Variants in VAV3 observed in about 807,000 individuals in gnomAD.
VAV3 encodes the protein guanine nucleotide exchange factor VAV3.
Under a neutral mutation model 131.2 loss-of-function variants are expected in VAV3, and 94 were observed. The observed-to-expected ratio is 0.72, with a 90% CI of 0.61 to 0.85. VAV3 has a LOEUF of 0.85. Ranked by LOEUF, VAV3 falls within the 40% of genes least tolerant of loss-of-function variation. VAV3 has a pLI of 0.00. For synonymous variants in VAV3, 349 were observed against 342.0 expected (o/e 1.02, Z -0.22); for missense variants, 939 against 1,002.7 (o/e 0.94, Z 0.86).
chr1:107,795,921 T>A (rs1359253703), intron 2 of VAV3, among the ~76,000 whole-genome samples: 1 of 152,210 alleles, frequency 6.6e-6, no homozygotes, highest in Non-Finnish European at 1.5e-5. Flanking sequence ...AATTCCTGAT[T>A]CCCATACTGA....
chr1:107,896,707 CA>C (rs5776906), intron 1 of VAV3, among the ~76,000 whole-genome samples: 55,008 of 151,886 alleles, frequency 0.36, 10,862 homozygotes, highest in African/African-American at 0.54. Flanking sequence ...AAAAGACTGG[CA>C]ATTTTGTTAT....
At chr1:107,685,393 C>T (rs558280961) in intron 18 of VAV3, among the ~76,000 whole-genome samples, 1 of 152,154 alleles carries the variant, frequency 6.6e-6, no homozygotes, top group African/African-American at 2.4e-5. Flanking sequence ...AGTTAATTTA[C>T]CTTAAATGCT....
chr1:107,737,381 T>C (rs1428355742), intron 15 of VAV3, among the ~76,000 whole-genome samples: 1 of 152,196 alleles, frequency 6.6e-6, no homozygotes, highest in Non-Finnish European at 1.5e-5. Flanking sequence ...AAAGAGCTTC[T>C]GCACAGCAAA....
chr1:107,697,727 C>T (rs754832647), intron 17 of VAV3, among the ~76,000 whole-genome samples: 2 of 152,112 alleles, frequency 1.3e-5, no homozygotes, highest in Non-Finnish European at 2.9e-5. Flanking sequence ...TTAAGTCCAT[C>T]CGGTCTTGAG....
intron 19 of VAV3, among the ~76,000 whole-genome samples, chr1:107,654,353 A>T (rs1656386722): frequency 6.6e-6 from 1 of 152,048 alleles, no homozygotes; most frequent in African/African-American, 2.4e-5. Flanking sequence ...ATTTAGTCTC[A>T]AAATCTCTAC....
intron 1 of VAV3, among the ~76,000 whole-genome samples, chr1:107,949,308 TTTTG>T (rs140828995): frequency 0.22 from 32,648 of 151,796 alleles, 3,754 homozygotes; most frequent in African/African-American, 0.31. Flanking sequence ...TTTTGTTTAT[TTTTG>T]TTTGTTTGTT....
intron 1 of VAV3, among the ~76,000 whole-genome samples, chr1:107,960,059 T>C (rs1675009174): frequency 6.6e-6 from 1 of 152,242 alleles, no homozygotes; most frequent in Non-Finnish European, 1.5e-5. Context: ...TGCCCTGCTA[T>C]TGCTTTGGTA....
At chr1:107,726,380 G>T (rs1191668205) in intron 15 of VAV3, among the ~76,000 whole-genome samples, 1 of 152,212 alleles carries the variant, frequency 6.6e-6, no homozygotes, top group Non-Finnish European at 1.5e-5. Context: ...CGGCAGAGGC[G>T]CTCTGCAGAT....
chr1:107,609,847 G>C, intron 22 of VAV3, 84 bp downstream of exon 22: 1 of 1,347,818 alleles, frequency 7.4e-7, no homozygotes, highest in East Asian at 2.3e-5. Context: ...AATGGAATAT[G>C]GTTTACTACC....
intron 1 of VAV3, among the ~76,000 whole-genome samples, chr1:107,903,923 G>T (rs897609636): frequency 6.6e-6 from 1 of 151,896 alleles, no homozygotes; most frequent in Non-Finnish European, 1.5e-5. Flanking sequence ...ACCCTCTGCC[G>T]CCTGCCTCAT....
chr1:107,842,159 G>A (rs1668747179), intron 2 of VAV3, among the ~76,000 whole-genome samples: 1 of 152,102 alleles, frequency 6.6e-6, no homozygotes, highest in South Asian at 2.1e-4. Flanking sequence ...TACTTATATT[G>A]TCTACCTAGT....
chr1:107,636,147 C>T (rs1654915378), intron 20 of VAV3, among the ~76,000 whole-genome samples: 1 of 152,170 alleles, frequency 6.6e-6, no homozygotes, highest in Non-Finnish European at 1.5e-5. Flanking sequence ...CACTGAAAGA[C>T]TTTAACAAGA....
At chr1:107,859,316 C>T (rs1180646828) in intron 2 of VAV3, among the ~76,000 whole-genome samples, 3 of 152,096 alleles carry the variant, frequency 2.0e-5, no homozygotes, top group Non-Finnish European at 4.4e-5. Context: ...CAGTGATTCT[C>T]CACCCTCTGT....
rs112965883 is a variant in VAV3, at chr1:107,573,221, A to C, written c.*110T>G. The C allele has an allele frequency of 3.8e-5, 48 of 1,252,278 alleles. No individual in the cohort carries two copies. The highest frequency in any genetic ancestry group is 2.7e-4 in the Admixed American group (12 of 44,416). The allele number at this position is 1,252,278 out of a possible 1,614,324, so 77.6% of individuals were successfully genotyped here. A position where few individuals can be genotyped will look rare whatever the true frequency, so the allele number is the denominator to read the frequency against. On this transcript the variant is annotated 3_prime_UTR_variant, in exon 27 of 27. Transcript: ENST00000370056. ...GGGCTAAGGAGGGAGGATGTTGAACAGCCAGAAATGCAGCTTTTTAAACAC... is the reference window on the plus strand; with the variant it reads ...GGGCTAAGGAGGGAGGATGTTGAACCGCCAGAAATGCAGCTTTTTAAACAC...
chr1:107,885,091 G>A (rs920526128), intron 1 of VAV3, among the ~76,000 whole-genome samples: 6 of 152,122 alleles, frequency 3.9e-5, no homozygotes, highest in African/African-American at 1.2e-4. Flanking sequence ...CCAAGGCAGA[G>A]GAGCTTCAGA....
At chr1:107,951,824 A>T (rs963943461) in intron 1 of VAV3, among the ~76,000 whole-genome samples, 15 of 151,582 alleles carry the variant, frequency 9.9e-5, no homozygotes, top group Admixed American at 9.2e-4. Flanking sequence ...AAAAAAAAAC[A>T]TGCTGACAAG....
At chr1:107,878,499 C>T (rs1038233277) in intron 1 of VAV3, among the ~76,000 whole-genome samples, 1 of 152,098 alleles carries the variant, frequency 6.6e-6, no homozygotes, top group Non-Finnish European at 1.5e-5. Flanking sequence ...GGTTGTCTTA[C>T]AAAATGTCCT....
chr1:107,814,019 C>T (rs1226527641), intron 2 of VAV3, among the ~76,000 whole-genome samples: 1 of 114,162 alleles, frequency 8.8e-6, no homozygotes, highest in African/African-American at 3.2e-5. Context: ...TGTGTGTATA[C>T]ACACCATGTT....
chr1:107,615,452 G>T (rs1446292587), intron 21 of VAV3, among the ~76,000 whole-genome samples: 2 of 152,104 alleles, frequency 1.3e-5, no homozygotes, highest in Non-Finnish European at 2.9e-5. Flanking sequence ...AAATCAGCTC[G>T]AGATGGATTG....
Sources: gnomAD v4.1 joint callset for allele counts (sites outside exome capture counted in the v4.1 genomes callset) on GRCh38, gnomAD v4.1.1 for gene constraint, MANE v1.5 for transcripts, NCBI Gene and HGNC (gene_info 2026-07-23, HGNC 2026-07-21) for gene names.